COLEC11: variants seen among roughly 807,000 people sequenced by gnomAD.
COLEC11 encodes the protein collectin-11.
Under a neutral mutation model 27.3 loss-of-function variants are expected in COLEC11, and 20 were observed. The observed-to-expected ratio is 0.73, with a 90% CI of 0.51 to 1.06. The LOEUF is 1.06. Ranked by LOEUF, COLEC11 falls within the 50% of genes least tolerant of loss-of-function variation. COLEC11 has a pLI of 0.00. For synonymous variants in COLEC11, 163 were observed against 154.7 expected (o/e 1.05, Z -0.40); for missense variants, 310 against 383.0 (o/e 0.81, Z 1.59).
At chr2:3,609,301 T>C (rs370092475) in intron 2 of COLEC11, among the ~76,000 whole-genome samples, 1,145 of 77,970 alleles carry the variant, frequency 0.015, 21 homozygotes, top group South Asian at 0.093. Flanking sequence ...GTGGTGCTTT[T>C]CAGGGTCTCT....
At chr2:3,632,831 C>T (rs773355946) in intron 3 of COLEC11, among the ~76,000 whole-genome samples, 7 of 152,144 alleles carry the variant, frequency 4.6e-5, no homozygotes, top group Non-Finnish European at 1.0e-4. Context: ...AGAGGGGCAG[C>T]GTCAGAGCAC....
chr2:3,615,784 T>C (rs62107198), intron 3 of COLEC11, among the ~76,000 whole-genome samples: 103,328 of 147,464 alleles, frequency 0.7, 36,211 homozygotes, highest in South Asian at 0.83. Context: ...ACCTCCCAGA[T>C]GGGGCGGCTG....
intron 1 of COLEC11, chr2:3,603,488 T>C: frequency 1.5e-6 from 1 of 658,822 alleles, no homozygotes; most frequent in Non-Finnish European, 2.7e-6. Context: ...AGCTAATTTT[T>C]GTATTTTTAG....
intron 3 of COLEC11, chr2:3,625,983 A>G (rs1229963229): frequency 6.3e-7 from 1 of 1,578,274 alleles, no homozygotes; most frequent in Non-Finnish European, 8.7e-7. Flanking sequence ...TCAGGCAGGG[A>G]TAGTCATAAC....
At chr2:3,629,865 G>A (rs894094648) in intron 3 of COLEC11, among the ~76,000 whole-genome samples, 4 of 152,164 alleles carry the variant, frequency 2.6e-5, no homozygotes, top group African/African-American at 9.7e-5. Context: ...ATGTATGTTT[G>A]TGTACACATG....
At chr2:3,642,521 A>G (rs1441897727) in intron 5 of COLEC11, among the ~76,000 whole-genome samples, 3 of 151,768 alleles carry the variant, frequency 2.0e-5, no homozygotes, top group African/African-American at 4.8e-5. Flanking sequence ...CTCCCTCCCT[A>G]TCAGCTCCCT....
chr2:3,637,314 G>A (rs1336090805), intron 3 of COLEC11, among the ~76,000 whole-genome samples: 2 of 152,196 alleles, frequency 1.3e-5, no homozygotes, highest in Non-Finnish European at 2.9e-5. Flanking sequence ...TGACTTCTGG[G>A]GGAAGTGCAT....
chr2:3,643,183 C>G (rs1282999965), intron 5 of COLEC11, among the ~76,000 whole-genome samples: 1 of 152,146 alleles, frequency 6.6e-6, no homozygotes, highest in Non-Finnish European at 1.5e-5. Context: ...GGGCTGCTTC[C>G]CACCCCTGCA....
chr2:3,596,305 T>C (rs1282786945), intron 1 of COLEC11, among the ~76,000 whole-genome samples: 1 of 151,730 alleles, frequency 6.6e-6, no homozygotes, highest in East Asian at 1.9e-4. Flanking sequence ...GTTTGGCAAC[T>C]GAAGCCATGA....
intron 5 of COLEC11, 45 bp downstream of exon 5, chr2:3,640,376 A>G: frequency 1.8e-6 from 2 of 1,102,790 alleles, no homozygotes; most frequent in Non-Finnish European, 1.3e-6. Context: ...ATGTATTAAA[A>G]ATTGCACTTT....
At chr2:3,637,465 G>A (rs869271903) in intron 3 of COLEC11, 68 bp from the exon 4 acceptor site, 21 of 1,221,756 alleles carry the variant, frequency 1.7e-5, no homozygotes, top group Middle Eastern at 1.9e-4. Flanking sequence ...ATCCGTGCAC[G>A]TGTGTGATGG....
intron 3 of COLEC11, among the ~76,000 whole-genome samples, chr2:3,635,700 G>A (rs1052414143): frequency 2.6e-5 from 4 of 152,190 alleles, no homozygotes; most frequent in African/African-American, 4.8e-5. Context: ...AGTCGCCTCC[G>A]TCCTGGCTGT....
chr2:3,620,705 A>G (rs1185966146), intron 3 of COLEC11, among the ~76,000 whole-genome samples: 1 of 152,028 alleles, frequency 6.6e-6, no homozygotes, highest in Non-Finnish European at 1.5e-5. Flanking sequence ...CTCTTAGAAT[A>G]TCTTTTTGCT....
At chr2:3,638,182 G>A (rs934408334) in intron 4 of COLEC11, among the ~76,000 whole-genome samples, 44 of 152,336 alleles carry the variant, frequency 2.9e-4, no homozygotes, top group African/African-American at 9.9e-4. Flanking sequence ...GATCAGCTGC[G>A]CCTCCCGTGA....
intron 1 of COLEC11, chr2:3,603,912 T>C (rs74617886): frequency 0.13 from 73,115 of 583,468 alleles, 5,312 homozygotes; most frequent in Non-Finnish European, 0.15. Flanking sequence ...TTCCTTTAGC[T>C]GTATCTCAGC....
intron 3 of COLEC11, among the ~76,000 whole-genome samples, chr2:3,632,234 C>T (rs925218681): frequency 5.9e-5 from 9 of 152,196 alleles, no homozygotes; most frequent in South Asian, 2.1e-4. Flanking sequence ...AGGCTGTGCT[C>T]GGAATCACGG....
chr2:3,625,275 A>G (rs7583724), intron 3 of COLEC11, among the ~76,000 whole-genome samples: 116,104 of 152,030 alleles, frequency 0.76, 44,561 homozygotes, highest in East Asian at 0.88. Flanking sequence ...TCAGGCTTCC[A>G]TGCTCAAGCA....
intron 2 of COLEC11, among the ~76,000 whole-genome samples, chr2:3,607,127 C>T (rs1208177349): frequency 3.3e-5 from 5 of 152,148 alleles, no homozygotes; most frequent in African/African-American, 1.2e-4. Context: ...CTGCCAACTC[C>T]ACATTTGGCT....
intron 1 of COLEC11, among the ~76,000 whole-genome samples, chr2:3,597,204 C>T (rs1204186075): frequency 6.6e-6 from 1 of 151,688 alleles, no homozygotes; most frequent in Non-Finnish European, 1.5e-5. Context: ...AAATCCCGGC[C>T]TGGGCTGCTC....
Sources: gnomAD v4.1 joint callset for allele counts (sites outside exome capture counted in the v4.1 genomes callset) on GRCh38, gnomAD v4.1.1 for gene constraint, MANE v1.5 for transcripts, NCBI Gene and HGNC (gene_info 2026-07-23, HGNC 2026-07-21) for gene names.